Variants in SEMA3A observed in about 807,000 individuals in gnomAD.
The protein encoded by SEMA3A is semaphorin-3A.
In SEMA3A, 29 loss-of-function variants were observed where a neutral mutation model predicts 97.9. The observed-to-expected ratio is 0.30, with a 90% CI of 0.22 to 0.40. The LOEUF is 0.40. Ranked by LOEUF, SEMA3A falls within the 10% of genes least tolerant of loss-of-function variation. The pLI, the probability that SEMA3A is intolerant of heterozygous loss-of-function variation, is 1.00. For missense variants in SEMA3A, 763 were observed against 951.3 expected (o/e 0.80, Z 2.60); for synonymous variants, 321 against 323.7 (o/e 0.99, Z 0.09).
intron 3 of SEMA3A, among the ~76,000 whole-genome samples, chr7:84,243,479 G>T (rs1282985566): frequency 6.6e-6 from 1 of 152,108 alleles, no homozygotes; most frequent in Non-Finnish European, 1.5e-5. Flanking sequence ...ATTTCTGTGG[G>T]ATCAGTGGTG....
At chr7:84,424,821 A>G (rs1804734685) in intron 1 of SEMA3A, among the ~76,000 whole-genome samples, 1 of 101,220 alleles carries the variant, frequency 9.9e-6, no homozygotes, top group African/African-American at 4.1e-5. Context: ...CATATATAAT[A>G]TAATGATATC....
chr7:84,127,445 A>C (rs911311343), intron 3 of SEMA3A, among the ~76,000 whole-genome samples: 5 of 152,118 alleles, frequency 3.3e-5, no homozygotes, highest in Non-Finnish European at 7.4e-5. Context: ...TGTATTCAGC[A>C]TACCCTGTTA....
At chr7:84,157,085 A>G (rs1796867070) in intron 1 of SEMA3A, among the ~76,000 whole-genome samples, 1 of 152,120 alleles carries the variant, frequency 6.6e-6, no homozygotes, top group African/African-American at 2.4e-5. Context: ...GCTCTATGCA[A>G]TTTTCACATT....
intron 1 of SEMA3A, among the ~76,000 whole-genome samples, chr7:84,395,150 A>C (rs1165713311): frequency 4.6e-5 from 7 of 152,122 alleles, no homozygotes; most frequent in Non-Finnish European, 1.0e-4. Flanking sequence ...CTAGTATTGT[A>C]TGAGGAGGAA....
intron 1 of SEMA3A, among the ~76,000 whole-genome samples, chr7:84,151,630 T>G (rs1796675156): frequency 6.6e-6 from 1 of 152,066 alleles, no homozygotes; most frequent in South Asian, 2.1e-4. Flanking sequence ...TACCTGAAAG[T>G]GATGGGGAGA....
At chr7:84,185,372 G>A (rs1032246428) in intron 1 of SEMA3A, among the ~76,000 whole-genome samples, 1 of 151,050 alleles carries the variant, frequency 6.6e-6, no homozygotes, top group Non-Finnish European at 1.5e-5. Flanking sequence ...TTGAATTAAA[G>A]AAATAATAAG....
At chr7:84,236,972 A>C (rs947238199) in intron 3 of SEMA3A, among the ~76,000 whole-genome samples, 1 of 152,132 alleles carries the variant, frequency 6.6e-6, no homozygotes, top group African/African-American at 2.4e-5. Flanking sequence ...AAGCAATATC[A>C]TATATATTCT....
intron 1 of SEMA3A, among the ~76,000 whole-genome samples, chr7:84,167,281 C>A (rs1047434671): frequency 1.3e-5 from 2 of 152,058 alleles, no homozygotes; most frequent in African/African-American, 4.8e-5. Context: ...CAAATTCTTA[C>A]AATATATCAC....
chr7:84,086,597 TATTTATA>T (rs1794378922), intron 4 of SEMA3A, among the ~76,000 whole-genome samples: 1 of 140,050 alleles, frequency 7.1e-6, no homozygotes, highest in African/African-American at 2.6e-5. Flanking sequence ...TATTATATTA[TATTTATA>T]ATCCTCACAA....
intron 4 of SEMA3A, among the ~76,000 whole-genome samples, chr7:84,066,676 T>C (rs1052775935): frequency 3.3e-5 from 5 of 150,776 alleles, no homozygotes; most frequent in Admixed American, 3.3e-4. Flanking sequence ...TCACAATTGC[T>C]TCAAAGAGAA....
intron 3 of SEMA3A, among the ~76,000 whole-genome samples, chr7:84,291,230 T>G (rs1366039699): frequency 6.6e-6 from 1 of 152,102 alleles, no homozygotes; most frequent in African/African-American, 2.4e-5. Context: ...ATAAATAATT[T>G]TTTAGGTAAT....
intron 15 of SEMA3A, among the ~76,000 whole-genome samples, chr7:83,963,906 A>G (rs1023062791): frequency 3.3e-5 from 5 of 152,348 alleles, no homozygotes; most frequent in Admixed American, 3.3e-4. Context: ...TAATTCCTAA[A>G]TAATCTACAA....
At chr7:84,457,407 G>A (rs921852524) in intron 1 of SEMA3A, among the ~76,000 whole-genome samples, 3 of 151,918 alleles carry the variant, frequency 2.0e-5, no homozygotes, top group African/African-American at 4.8e-5. Flanking sequence ...TGCAGTCAAT[G>A]GTGAAAGATT....
Position 84,036,483 on chromosome 7 carries a change from T to G in SEMA3A, c.667+9841A>C, listed in dbSNP as rs1264938376. 2.0e-5 allele frequency among the ~76,000 whole-genome samples: 3 copies of G among 152,128 alleles called. 1 individual carries two copies. In the South Asian group the frequency reaches 6.2e-4, roughly 31 times the overall value. On this transcript the variant is annotated intron_variant, in intron 6 of 16. Coordinates refer to ENST00000265362, the MANE Select transcript of SEMA3A (RefSeq NM_006080.3). ...TTATCAGTGATTCTGGGAGGACTTA[T>G]ATCAGCAGTAGGGAAATGAGAAGAG...
At chr7:84,412,055 G>C (rs1215699350) in intron 1 of SEMA3A, among the ~76,000 whole-genome samples, 1 of 152,006 alleles carries the variant, frequency 6.6e-6, no homozygotes, top group Admixed American at 6.6e-5. Context: ...TTCTTATTGT[G>C]CTGGGCAAAC....
chr7:84,191,577 T>C (rs1798039826), intron 1 of SEMA3A, among the ~76,000 whole-genome samples: 1 of 151,880 alleles, frequency 6.6e-6, no homozygotes, highest in African/African-American at 2.4e-5. Flanking sequence ...TTTTCCTGTA[T>C]TTCATGAGAA....
intron 12 of SEMA3A, among the ~76,000 whole-genome samples, chr7:83,987,727 C>T (rs187742298): frequency 6.6e-6 from 1 of 152,322 alleles, no homozygotes; most frequent in African/African-American, 2.4e-5. Context: ...ACTTACCCCA[C>T]TATACTGTCT....
chr7:84,038,824 A>G (rs1264861073), intron 6 of SEMA3A, among the ~76,000 whole-genome samples: 1 of 152,148 alleles, frequency 6.6e-6, no homozygotes, highest in Non-Finnish European at 1.5e-5. Flanking sequence ...ACAGAAACAC[A>G]TTTCATTACA....
intron 4 of SEMA3A, among the ~76,000 whole-genome samples, chr7:84,105,611 T>G (rs1234839342): frequency 1.3e-5 from 2 of 152,078 alleles, no homozygotes. Context: ...TTATTTTAGA[T>G]TTCCTGCCAG....
Sources: gnomAD v4.1 joint callset for allele counts (sites outside exome capture counted in the v4.1 genomes callset) on GRCh38, gnomAD v4.1.1 for gene constraint, MANE v1.5 for transcripts, NCBI Gene and HGNC (gene_info 2026-07-23, HGNC 2026-07-21) for gene names.